SLC2A9: variants seen among roughly 807,000 people sequenced by gnomAD.
SLC2A9 encodes solute carrier family 2 member 9.
Under a neutral mutation model 50.6 loss-of-function variants are expected in SLC2A9, and 39 were observed. The ratio of observed to expected loss-of-function variants is 0.77; its 90% CI spans 0.60 to 1.01. The LOEUF (loss-of-function observed/expected upper bound fraction) is 1.01, where lower values mean the gene tolerates loss of function less well. SLC2A9 is among the 50% of genes least tolerant of loss of function. The probability of loss-of-function intolerance (pLI) is 0.00; values close to 1 mark genes in which losing one functional copy is unlikely to be tolerated. For missense variants in SLC2A9, 686 were observed against 677.6 expected (o/e 1.01, Z -0.14); for synonymous variants, 324 against 276.9 (o/e 1.17, Z -1.69).
At chr4:9,999,949 T>C (rs1000593409) in intron 2 of SLC2A9, among the ~76,000 whole-genome samples, 3 of 152,154 alleles carry the variant, frequency 2.0e-5, no homozygotes, top group South Asian at 4.2e-4. Context: ...TCCTGGGTGA[T>C]TGGCTCCAGG....
intron 10 of SLC2A9, among the ~76,000 whole-genome samples, chr4:9,851,156 G>A (rs967379886): frequency 2.0e-5 from 3 of 152,228 alleles, no homozygotes; most frequent in Non-Finnish European, 4.4e-5. Context: ...GAAGTGCTTT[G>A]GCTGGCACAC....
At chr4:9,886,051 G>C (rs1290968591) in intron 10 of SLC2A9, among the ~76,000 whole-genome samples, 1 of 152,218 alleles carries the variant, frequency 6.6e-6, no homozygotes, top group Non-Finnish European at 1.5e-5. Context: ...GTGTGTGTGA[G>C]TGTATATAGT....
intron 10 of SLC2A9, among the ~76,000 whole-genome samples, chr4:9,835,584 A>C (rs1348435783): frequency 6.6e-6 from 1 of 152,246 alleles, no homozygotes; most frequent in Non-Finnish European, 1.5e-5. Context: ...GGAGGCATTC[A>C]TTGTGTCAAC....
At chr4:9,977,761 G>A (rs1755048257) in intron 5 of SLC2A9, among the ~76,000 whole-genome samples, 1 of 152,092 alleles carries the variant, frequency 6.6e-6, no homozygotes, top group Admixed American at 6.5e-5. Context: ...CCCTACCAGA[G>A]GTCAGTGCCT....
At chr4:9,987,577 C>T (rs1339953411) in intron 3 of SLC2A9, among the ~76,000 whole-genome samples, 1 of 152,098 alleles carries the variant, frequency 6.6e-6, no homozygotes, top group Non-Finnish European at 1.5e-5. Flanking sequence ...CCAATAGAGC[C>T]CCAGTGGGTC....
intron 3 of SLC2A9, 92 bp downstream of exon 3, chr4:9,996,689 T>G (rs1249286077): frequency 1.4e-6 from 2 of 1,467,144 alleles, no homozygotes; most frequent in Admixed American, 3.7e-5. Flanking sequence ...ACTGCCTGAG[T>G]GGAGTTCTGT....
At chr4:9,894,871 C>T (rs1458694703) in intron 8 of SLC2A9, among the ~76,000 whole-genome samples, 1 of 152,172 alleles carries the variant, frequency 6.6e-6, no homozygotes, top group Admixed American at 6.5e-5. Flanking sequence ...TATTACACTG[C>T]AATCAGCATG....
intron 10 of SLC2A9, chr4:9,879,166 G>A (rs1057432280): frequency 1.0e-6 from 1 of 984,836 alleles, no homozygotes; most frequent in Admixed American, 6.2e-5. Context: ...ATGGGGTGGG[G>A]GTGGGGATAC....
chr4:9,892,806 A>G (rs997917023), intron 8 of SLC2A9, among the ~76,000 whole-genome samples: 5 of 152,224 alleles, frequency 3.3e-5, no homozygotes, highest in Non-Finnish European at 5.9e-5. Flanking sequence ...GAACAAGTTA[A>G]TTAACCCTTC....
At chr4:10,026,453 G>C (rs7697004), upstream of SLC2A9, among the ~76,000 whole-genome samples, 1 of 152,020 alleles carries the variant, frequency 6.6e-6, no homozygotes, top group South Asian at 2.1e-4. Flanking sequence ...GTGGGAAAAA[G>C]TTTGCTTGTT....
rs77524735 is a variant in SLC2A9, at chr4:9,853,649, A to G, written c.1292-18641T>C. 1.1e-4 allele frequency among the ~76,000 whole-genome samples: 16 copies of G among 152,306 alleles called. No individual in the cohort carries two copies. In the East Asian group the frequency reaches 3.1e-3, roughly 29 times the overall value. On this transcript the variant is annotated intron_variant, in intron 10 of 11. Transcript: ENST00000264784. Reference sequence around the variant, plus strand: ...CCTGAACTTAACACTGACCAAATGAACCTGACAGACATCTACTGAATTCTC... The same window carrying G: ...CCTGAACTTAACACTGACCAAATGAGCCTGACAGACATCTACTGAATTCTC...
At position 9,906,919 on chromosome 4, in the gene SLC2A9, G is replaced by A. The variant is rs142391721; in HGVS notation, c.1113+1316C>T. ...ATAAAAAGACCACAAAGTGGAAAGG[G>A]AAAGAGACAAAACATCATTCCTCTA... On this transcript the variant is annotated intron_variant, in intron 8 of 11. Coordinates refer to ENST00000264784, the MANE Select transcript of SLC2A9 (RefSeq NM_020041.3). 4.6e-3 allele frequency among the ~76,000 whole-genome samples: 699 copies of A among 152,350 alleles called. 7 individuals are homozygous for A. Among genetic ancestry groups the A allele is most frequent in the Middle Eastern group, 0.031 (9 of 294 alleles).
At chr4:9,936,035 G>A (rs1419082789) in intron 6 of SLC2A9, among the ~76,000 whole-genome samples, 1 of 152,158 alleles carries the variant, frequency 6.6e-6, no homozygotes, top group Non-Finnish European at 1.5e-5. Context: ...GGCCCCAGAT[G>A]GGGCAGTTGT....
chr4:9,909,054 G>T (rs911252782), intron 7 of SLC2A9, among the ~76,000 whole-genome samples: 4 of 152,128 alleles, frequency 2.6e-5, no homozygotes, highest in South Asian at 2.1e-4. Flanking sequence ...TACACAAAAC[G>T]CTTTACTGTC....
Position 9,957,376 on chromosome 4 carries a change from A to G in SLC2A9, c.682-15331T>C, listed in dbSNP as rs578078711. Among the ~76,000 whole-genome samples the G allele has an allele frequency of 1.4e-3, 208 of 152,324 alleles. 2 individuals carry two copies. The highest frequency in any genetic ancestry group is 4.9e-3 in the African/African-American group (202 of 41,588). The stretch of plus-strand genomic sequence containing the variant: ...CAATACAAATCCTGCTCACGCTGTC[A>G]TCACTCTTGAGTGAAGCCTTGTCCC... On this transcript the variant is annotated intron_variant, in intron 5 of 11. Coordinates refer to ENST00000264784, the MANE Select transcript of SLC2A9 (RefSeq NM_020041.3).
intron 8 of SLC2A9, among the ~76,000 whole-genome samples, chr4:9,906,290 C>T (rs1443824574): frequency 1.3e-5 from 2 of 152,070 alleles, no homozygotes; most frequent in African/African-American, 4.8e-5. Context: ...CATCAGGTTC[C>T]GAGCAGAGAC....
chr4:9,802,752 G>A (rs1721620919), intron 3 of SLC2A9, among the ~76,000 whole-genome samples: 1 of 151,826 alleles, frequency 6.6e-6, no homozygotes, highest in African/African-American at 2.4e-5. Context: ...TAGTAGAGAT[G>A]GAGTTTCACC....
exon 2 of SLC2A9, chr4:9,771,192 C>T (rs1053357108): frequency 3.3e-5 from 10 of 303,484 alleles, no homozygotes; most frequent in African/African-American, 1.9e-4. Flanking sequence ...ATTAGTCAAG[C>T]AACTTAATGC....
rs1161276691 is a variant in SLC2A9 at position 9,953,218 on chromosome 4, C to T, written c.682-11173G>A. Among the ~76,000 whole-genome samples, 3 of 151,836 alleles carry T rather than the reference C, an allele frequency of 2.0e-5. No individual in the cohort carries two copies. In the East Asian group the frequency reaches 5.8e-4, roughly 29 times the overall value. On this transcript the variant is annotated intron_variant, in intron 5 of 11. Coordinates refer to ENST00000264784, the MANE Select transcript of SLC2A9 (RefSeq NM_020041.3). ...CTGTTTTCCAAATACCCACTGAACC[C>T]GCTATGCCTCTTGGCCATGGGTAGG...
Sources: gnomAD v4.1 joint callset for allele counts (sites outside exome capture counted in the v4.1 genomes callset) on GRCh38, gnomAD v4.1.1 for gene constraint, MANE v1.5 for transcripts, NCBI Gene and HGNC (gene_info 2026-07-23, HGNC 2026-07-21) for gene names.